SLC8A1: variants seen among roughly 807,000 people sequenced by gnomAD.
SLC8A1 encodes the protein sodium/calcium exchanger 1.
In SLC8A1, 18 loss-of-function variants were observed where a neutral mutation model predicts 68.3. That is an observed-to-expected ratio of 0.26 (90% CI 0.18 to 0.39). The LOEUF is 0.39. SLC8A1 is among the 10% of genes least tolerant of loss of function. The probability of loss-of-function intolerance (pLI) is 1.00; values close to 1 mark genes in which losing one functional copy is unlikely to be tolerated. For synonymous variants in SLC8A1, 475 were observed against 415.5 expected (o/e 1.14, Z -1.74); for missense variants, 985 against 1,156.7 (o/e 0.85, Z 2.15).
intron 2 of SLC8A1, among the ~76,000 whole-genome samples, chr2:40,188,691 CT>C (rs1296677192): frequency 6.6e-6 from 1 of 152,220 alleles, no homozygotes; most frequent in African/African-American, 2.4e-5. Flanking sequence ...GAAAGCATCT[CT>C]GTCAGAAAGA....
chr2:40,318,041 A>G (rs898621659), intron 2 of SLC8A1, among the ~76,000 whole-genome samples: 11 of 152,084 alleles, frequency 7.2e-5, no homozygotes, highest in Admixed American at 6.6e-4. Context: ...TTGATTTGAA[A>G]GAAGGCACTA....
rs143368362 is a variant in SLC8A1, at chr2:40,412,313, G to A, written c.1808+16160C>T. Among the ~76,000 whole-genome samples the A allele has an allele frequency of 4.0e-3, 604 of 152,214 alleles. 3 individuals are homozygous for A. The highest frequency in any genetic ancestry group is 0.014 in the African/African-American group (578 of 41,548). ...ACTTAGCTTACCTCACATATAACTA[G>A]TTTTCATGAATGTGTTACTTCTCCT... On this transcript the variant is annotated intron_variant, in intron 2 of 7. Coordinates refer to ENST00000406785, the Ensembl canonical transcript of SLC8A1.
chr2:40,320,154 G>A (rs1013829124), intron 2 of SLC8A1, among the ~76,000 whole-genome samples: 1 of 151,890 alleles, frequency 6.6e-6, no homozygotes, highest in Non-Finnish European at 1.5e-5. Context: ...AGCCTGTATA[G>A]TTGCAGGTGT....
intron 2 of SLC8A1, among the ~76,000 whole-genome samples, chr2:40,425,628 G>C (rs889324529): frequency 6.6e-6 from 1 of 151,746 alleles, no homozygotes; most frequent in Non-Finnish European, 1.5e-5. Context: ...AGTACTGTAG[G>C]TTTTGAAGGA....
At chr2:40,502,432 C>T (rs1706110990) in intron 1 of SLC8A1, among the ~76,000 whole-genome samples, 1 of 151,910 alleles carries the variant, frequency 6.6e-6, no homozygotes, top group Non-Finnish European at 1.5e-5. Context: ...TCATTTTGTA[C>T]ACCAAAATAT....
chr2:40,169,388 T>A (rs1189646043), intron 4 of SLC8A1, among the ~76,000 whole-genome samples: 1 of 152,180 alleles, frequency 6.6e-6, no homozygotes, highest in Non-Finnish European at 1.5e-5. Flanking sequence ...CTGACAATTT[T>A]TAGCATGTGG....
chr2:40,294,856 A>G (rs1486908356), intron 2 of SLC8A1, among the ~76,000 whole-genome samples: 1 of 152,190 alleles, frequency 6.6e-6, no homozygotes, highest in Non-Finnish European at 1.5e-5. Flanking sequence ...TTATTAAGGA[A>G]TTCAATTTAA....
chr2:40,110,890 A>C (rs2034515358), exon 8 of SLC8A1: 1 of 152,148 alleles, frequency 6.6e-6, no homozygotes, highest in Non-Finnish European at 1.5e-5. Context: ...AAATTTTCTA[A>C]TTGCTTCCAC....
intron 2 of SLC8A1, among the ~76,000 whole-genome samples, chr2:40,388,540 A>G (rs1333627499): frequency 6.6e-6 from 1 of 152,198 alleles, no homozygotes; most frequent in Admixed American, 6.5e-5. Context: ...TGGACCAAAG[A>G]AAATCACTCT....
intron 2 of SLC8A1, among the ~76,000 whole-genome samples, chr2:40,235,106 G>C (rs1450562650): frequency 6.6e-6 from 1 of 151,940 alleles, no homozygotes; most frequent in Non-Finnish European, 1.5e-5. Context: ...GAATGATGCT[G>C]GCTTCATAAA....
chr2:40,335,787 C>G lies in SLC8A1; in HGVS notation c.1808+92686G>C, dbSNP rs149340931. ...AAATGAATGTGTTTTGAGGCTCTGC[C>G]TTTGTCATGATTATCTGGCTCTATG... On this transcript the variant is annotated intron_variant, in intron 2 of 7. Coordinates refer to ENST00000406785, the Ensembl canonical transcript of SLC8A1. Among the ~76,000 whole-genome samples the G allele has an allele frequency of 2.3e-4, 35 of 152,312 alleles. 1 individual carries two copies. Among genetic ancestry groups the G allele is most frequent in the East Asian group, 1.9e-3 (10 of 5,190 alleles).
rs868209107 is a variant in SLC8A1, at chr2:40,335,244, G to A, written c.1808+93229C>T. On this transcript the variant is annotated intron_variant, in intron 2 of 7. Transcript: ENST00000406785. ...ATTTTAGAAATTTAAATAATGTAAA[G>A]ACAAAGCAAATAGATGTATGCCCAT... 5.3e-5 allele frequency among the ~76,000 whole-genome samples: 8 copies of A among 152,080 alleles called. No homozygotes were observed. In the South Asian group the frequency reaches 1.7e-3, roughly 31 times the overall value.
chr2:40,150,241 T>C (rs2148368285), intron 6 of SLC8A1, among the ~76,000 whole-genome samples: 1 of 151,946 alleles, frequency 6.6e-6, no homozygotes, highest in East Asian at 1.9e-4. Context: ...TTCACGCGAG[T>C]GGCTTTTCAT....
intron 2 of SLC8A1, among the ~76,000 whole-genome samples, chr2:40,414,290 G>A (rs567627442): frequency 1.2e-4 from 18 of 152,250 alleles, no homozygotes; most frequent in Admixed American, 5.2e-4. Flanking sequence ...CAGCTAGACC[G>A]TGGGGAAGCA....
chr2:40,442,746 A>G (rs1700740415), intron 1 of SLC8A1, among the ~76,000 whole-genome samples: 1 of 152,194 alleles, frequency 6.6e-6, no homozygotes, highest in African/African-American at 2.4e-5. Context: ...TAGCAATCCC[A>G]TTACTGAGTA....
chr2:40,342,748 G>C (rs13424969), intron 2 of SLC8A1, among the ~76,000 whole-genome samples: 11,199 of 152,192 alleles, frequency 0.074, 979 homozygotes, highest in African/African-American at 0.21. Context: ...TCAAGGTGCA[G>C]TGCCATTTAC....
chr2:40,263,986 C>T (rs964171384), intron 2 of SLC8A1, among the ~76,000 whole-genome samples: 15 of 152,106 alleles, frequency 9.9e-5, no homozygotes, highest in South Asian at 4.1e-4. Flanking sequence ...CTACAATGAA[C>T]TCAAACAAAT....
At chr2:40,125,545 T>C (rs897161044) in intron 7 of SLC8A1, among the ~76,000 whole-genome samples, 2 of 152,238 alleles carry the variant, frequency 1.3e-5, no homozygotes, top group Admixed American at 6.5e-5. Context: ...CTTAATTTTA[T>C]ATTTTGTGCT....
At chr2:40,268,794 A>G (rs13419087) in intron 2 of SLC8A1, among the ~76,000 whole-genome samples, 38,956 of 152,002 alleles carry the variant, frequency 0.26, 5,336 homozygotes, top group Admixed American at 0.35. Flanking sequence ...GAGAAAGTCC[A>G]ACACTTAAGG....
Sources: allele counts gnomAD v4.1 joint callset (sites outside exome capture counted in the v4.1 genomes callset), GRCh38; gene constraint gnomAD v4.1.1; transcripts MANE v1.5; gene names NCBI Gene and HGNC (gene_info 2026-07-23, HGNC 2026-07-21).